IGSF5: variants seen among roughly 807,000 people sequenced by gnomAD.
IGSF5 encodes immunoglobulin superfamily 5 like.
IGSF5 carries 41 observed loss-of-function variants against 39.4 expected under a neutral mutation model. That is an observed-to-expected ratio of 1.04 (90% confidence interval 0.81 to 1.35). The LOEUF is 1.35. Ranked by LOEUF, IGSF5 falls within the 40% of genes most tolerant of loss-of-function variation. IGSF5 has a pLI of 0.00. For missense variants in IGSF5, 487 were observed against 494.6 expected, an observed-to-expected ratio of 0.98 and a Z score of 0.15; for synonymous variants, 183 against 175.3, an observed-to-expected ratio of 1.04 and a Z score of -0.34.
the IGSF5 span, among the ~76,000 whole-genome samples, chr21:39,716,982 C>T: frequency 4.6e-5 from 7 of 152,178 alleles, no homozygotes; most frequent in Non-Finnish European, 1.0e-4. Context: ...ATAAGAATTC[C>T]CTTTTCTCTG....
the IGSF5 span, among the ~76,000 whole-genome samples, chr21:39,737,604 T>C: frequency 6.6e-6 from 1 of 152,062 alleles, no homozygotes; most frequent in Non-Finnish European, 1.5e-5. Context: ...ATAAAGGATA[T>C]TGCAACTCAC....
chr21:39,745,957 T>G (rs2079972263), intron 1 of IGSF5, among the ~76,000 whole-genome samples: 1 of 152,122 alleles, frequency 6.6e-6, no homozygotes, highest in Admixed American at 6.5e-5. Context: ...AAGATGGTGG[T>G]GAGCCACTTC....
At chr21:39,737,242 G>A in the IGSF5 span, among the ~76,000 whole-genome samples, 4 of 151,164 alleles carry the variant, frequency 2.6e-5, no homozygotes, top group East Asian at 1.9e-4. Flanking sequence ...ATTCAACACC[G>A]TAACAACTAG....
the IGSF5 span, among the ~76,000 whole-genome samples, chr21:39,737,340 C>T: frequency 6.6e-6 from 1 of 152,150 alleles, no homozygotes; most frequent in Non-Finnish European, 1.5e-5. Context: ...CTCAGCTCTG[C>T]ACTGGACAGT....
At chr21:39,763,881 C>G (rs1267485441) in intron 2 of IGSF5, among the ~76,000 whole-genome samples, 5 of 152,150 alleles carry the variant, frequency 3.3e-5, no homozygotes, top group Non-Finnish European at 7.3e-5. Context: ...TTCCATTTCT[C>G]ACGCTTAAAA....
chr21:39,720,584 A>G, the IGSF5 span, among the ~76,000 whole-genome samples: 1 of 152,366 alleles, frequency 6.6e-6, no homozygotes, highest in East Asian at 1.9e-4. Context: ...AGTGGCCAGA[A>G]ACAAAAAGGC....
the IGSF5 span, chr21:39,729,488 T>C: frequency 1.3e-5 from 2 of 152,334 alleles, no homozygotes; most frequent in African/African-American, 4.8e-5. Context: ...CACGGGGCAC[T>C]CTTTGCCTTT....
chr21:39,718,705 G>T, the IGSF5 span, among the ~76,000 whole-genome samples: 10 of 152,304 alleles, frequency 6.6e-5, no homozygotes, highest in African/African-American at 2.2e-4. Context: ...AAGCCTACTT[G>T]TTTGTGGTGG....
At chr21:39,713,983 C>T in the IGSF5 span, among the ~76,000 whole-genome samples, 1 of 152,228 alleles carries the variant, frequency 6.6e-6, no homozygotes, top group East Asian at 1.9e-4. Flanking sequence ...CCACAAGGTC[C>T]CGGTCTTTTC....
chr21:39,781,885 C>T (rs2178882), intron 5 of IGSF5, among the ~76,000 whole-genome samples: 119,402 of 152,068 alleles, frequency 0.79, 47,004 homozygotes, highest in Admixed American at 0.84. Context: ...ATGTTAGGAC[C>T]GATGGCCCCC....
Position 39,801,379 on chromosome 21 carries a change from C to T in IGSF5, c.*22C>T, listed in dbSNP as rs762782560. On this transcript the variant is annotated 3_prime_UTR_variant, in exon 9 of 9. Transcript: ENST00000380588. ...ATAGCAAAGCCTTCCCCAAGCTCCACTGAGCACTTGGCTGACAATTCAAAA... is the reference window on the plus strand; with the variant it reads ...ATAGCAAAGCCTTCCCCAAGCTCCATTGAGCACTTGGCTGACAATTCAAAA... 1.3e-6 allele frequency: 2 copies of T among 1,549,798 alleles called. No individual in the cohort carries two copies. Among genetic ancestry groups the T allele is most frequent in the African/African-American group, 1.4e-5 (1 of 73,818 alleles).
chr21:39,718,407 G>A, the IGSF5 span, among the ~76,000 whole-genome samples: 1 of 152,160 alleles, frequency 6.6e-6, no homozygotes, highest in Non-Finnish European at 1.5e-5. Flanking sequence ...TGGTGAGAGA[G>A]GGTATTCTTG....
chr21:39,779,151 A>G lies in IGSF5; in HGVS notation c.780A>G (p.Ser260=). 1 of 1,614,056 alleles carries G rather than the reference A, an allele frequency of 6.2e-7. No homozygotes were observed. Among genetic ancestry groups the G allele is most frequent in the African/African-American group, 1.3e-5 (1 of 75,012 alleles). The change falls in exon 5 of 9, where the codon TCA becomes TCG. Residue 260 remains serine (S), a synonymous_variant. Transcript: ENST00000380588. ...VLSSLPSLGF[S]LPTWGKVGLG... ...CAAGTTTACCGAGTTTAGGTTTTTCATTGCCTACTTGGGGCAAAGTTGGAC... is the reference window on the plus strand; with the variant it reads ...CAAGTTTACCGAGTTTAGGTTTTTCGTTGCCTACTTGGGGCAAAGTTGGAC...
At chr21:39,712,512 T>A in the IGSF5 span, among the ~76,000 whole-genome samples, 1 of 151,918 alleles carries the variant, frequency 6.6e-6, no homozygotes. Flanking sequence ...GGTCTCTGAG[T>A]GATTGTGCCA....
intron 2 of IGSF5, among the ~76,000 whole-genome samples, chr21:39,755,670 TC>T: frequency 6.6e-6 from 1 of 152,314 alleles, no homozygotes; most frequent in East Asian, 1.9e-4. Flanking sequence ...GGCTGTGATT[TC>T]ATTTTGGTTT....
chr21:39,733,578 A>G, the IGSF5 span, among the ~76,000 whole-genome samples: 1 of 152,246 alleles, frequency 6.6e-6, no homozygotes. Flanking sequence ...CTACTTGGTT[A>G]AGTGGTCATA....
chr21:39,781,444 G>A (rs979163897), intron 5 of IGSF5, among the ~76,000 whole-genome samples: 9 of 152,148 alleles, frequency 5.9e-5, no homozygotes, highest in African/African-American at 1.9e-4. Context: ...AATGAATAAT[G>A]TTGTGTATGT....
At chr21:39,736,277 A>C in the IGSF5 span, among the ~76,000 whole-genome samples, 1 of 152,112 alleles carries the variant, frequency 6.6e-6, no homozygotes, top group African/African-American at 2.4e-5. Flanking sequence ...CTCCATCAAC[A>C]GTTCCTTCAG....
chr21:39,777,415 T>C (rs2080146787), intron 4 of IGSF5, among the ~76,000 whole-genome samples: 1 of 152,190 alleles, frequency 6.6e-6, no homozygotes, highest in Admixed American at 6.5e-5. Flanking sequence ...TGAATCTGCA[T>C]GTGCAATGAT....
Sources: gnomAD v4.1 joint callset for allele counts (sites outside exome capture counted in the v4.1 genomes callset) on GRCh38, gnomAD v4.1.1 for gene constraint, MANE v1.5 for transcripts, NCBI Gene and HGNC (gene_info 2026-07-23, HGNC 2026-07-21) for gene names.